The following CERS6 variants were observed in gnomAD, a reference collection of about 807,000 sequenced individuals.
The protein encoded by CERS6 is LAG1 homolog, ceramide synthase 6.
CERS6 carries 26 observed loss-of-function variants against 56.8 expected under a neutral mutation model. The ratio of observed to expected loss-of-function variants is 0.46; its 90% CI spans 0.34 to 0.63. CERS6 has a LOEUF of 0.63. Among genes scored for constraint, CERS6 ranks in the 30% least tolerant of loss-of-function variants. The pLI is 0.01. For synonymous variants in CERS6, 164 were observed against 173.3 expected, an observed-to-expected ratio of 0.95 and a Z score of 0.42; for missense variants, 415 against 467.5, an observed-to-expected ratio of 0.89 and a Z score of 1.04.
At chr2:168,710,893 G>A (rs982850111) in intron 6 of CERS6, among the ~76,000 whole-genome samples, 1 of 152,184 alleles carries the variant, frequency 6.6e-6, no homozygotes, top group Non-Finnish European at 1.5e-5. Flanking sequence ...GAATATAGTG[G>A]TAGGTTCTTA....
At chr2:168,611,357 C>T (rs1326740003) in intron 3 of CERS6, among the ~76,000 whole-genome samples, 6 of 152,160 alleles carry the variant, frequency 3.9e-5, no homozygotes, top group Non-Finnish European at 8.8e-5. Context: ...CCAAGTTTAA[C>T]CAGCTCCTCA....
intron 3 of CERS6, among the ~76,000 whole-genome samples, chr2:168,623,807 C>G (rs1464464561): frequency 1.3e-5 from 2 of 152,222 alleles, no homozygotes; most frequent in East Asian, 3.9e-4. Context: ...CATAGTTACC[C>G]ATTTCTAGTC....
At chr2:168,515,887 G>C (rs1694876037) in intron 1 of CERS6, among the ~76,000 whole-genome samples, 1 of 152,212 alleles carries the variant, frequency 6.6e-6, no homozygotes. Context: ...AGAAGCACCA[G>C]CTCATGGAGA....
chr2:168,657,580 C>A (rs529199087), intron 4 of CERS6, among the ~76,000 whole-genome samples: 169 of 152,352 alleles, frequency 1.1e-3, no homozygotes, highest in African/African-American at 3.7e-3. Context: ...CCGAGCCCTG[C>A]CCCGTGGGAA....
chr2:168,609,354 A>T (rs1684130201), intron 3 of CERS6, among the ~76,000 whole-genome samples: 1 of 152,210 alleles, frequency 6.6e-6, no homozygotes. Flanking sequence ...TGACAGTGGG[A>T]TGGATTACAT....
At chr2:168,665,882 T>A (rs1169330792) in intron 4 of CERS6, among the ~76,000 whole-genome samples, 1 of 152,110 alleles carries the variant, frequency 6.6e-6, no homozygotes, top group African/African-American at 2.4e-5. Context: ...GCTGCTCACA[T>A]TTTCTGTTGG....
chr2:168,772,494 A>G lies in CERS6; in HGVS notation c.*2832A>G, dbSNP rs1684889446. ...TCATCCCTACCCATATTCTTTTCAT[A>G]AAACCCACTCACCAGGTACAATAGA... On this transcript the variant is annotated 3_prime_UTR_variant, in exon 10 of 10. Coordinates refer to ENST00000305747, the MANE Select transcript of CERS6 (RefSeq NM_203463.3). 1 of 152,636 alleles carries G rather than the reference A, an allele frequency of 6.6e-6. No homozygotes were observed. Among genetic ancestry groups the G allele is most frequent in the Non-Finnish European group, 1.5e-5 (1 of 68,038 alleles). 9.5% of individuals were successfully genotyped at this position (152,636 alleles called of 1,614,324 possible). A position where few individuals can be genotyped will look rare whatever the true frequency, so the allele number is the denominator to read the frequency against.
intron 3 of CERS6, among the ~76,000 whole-genome samples, chr2:168,581,288 G>A (rs1331629990): frequency 6.6e-6 from 1 of 152,116 alleles, no homozygotes; most frequent in African/African-American, 2.4e-5. Flanking sequence ...CAAAGTGCTG[G>A]GATTACAGGC....
At chr2:168,577,254 A>T (rs1683297334) in intron 3 of CERS6, among the ~76,000 whole-genome samples, 1 of 152,176 alleles carries the variant, frequency 6.6e-6, no homozygotes, top group African/African-American at 2.4e-5. Context: ...TGAAGGAGAT[A>T]GGTGAGTGAG....
rs893276722 is a variant in CERS6, at chr2:168,773,417, A to G, written c.*3755A>G. 6.6e-6 allele frequency: 1 copy of G among 152,218 alleles called. No homozygotes were observed. The highest frequency in any genetic ancestry group is 1.5e-5 in the Non-Finnish European group (1 of 68,032). The allele number at this position is 152,218 out of a possible 1,614,324, so 9.4% of individuals were successfully genotyped here. A position where few individuals can be genotyped will look rare whatever the true frequency, so the allele number is the denominator to read the frequency against. On this transcript the variant is annotated 3_prime_UTR_variant, in exon 10 of 10. Coordinates refer to ENST00000305747, the MANE Select transcript of CERS6 (RefSeq NM_203463.3). ...CAGGTCTTCAGGTTCTGATTAGCTT[A>G]CTTTTTTCCTTTGTCTTTGGCTGAT...
rs1420231673 is a variant in CERS6, at chr2:168,648,775, T to C, written c.465+17733T>C. Among the ~76,000 whole-genome samples, 4 of 152,150 alleles carry C rather than the reference T, an allele frequency of 2.6e-5. No individual in the cohort carries two copies. The East Asian group carries it at 7.7e-4, about 29-fold the overall frequency. On this transcript the variant is annotated intron_variant, in intron 4 of 9. Coordinates refer to ENST00000305747, the MANE Select transcript of CERS6 (RefSeq NM_203463.3). The stretch of plus-strand genomic sequence containing the variant: ...TTCTTGATTTCTGCCTTAATTTCTT[T>C]ATTTCCATGTAATTGCATGATTTTG...
At chr2:168,518,310 G>A (rs1694919213) in intron 1 of CERS6, among the ~76,000 whole-genome samples, 1 of 152,124 alleles carries the variant, frequency 6.6e-6, no homozygotes, top group Non-Finnish European at 1.5e-5. Context: ...CTTAACAGTA[G>A]CATAGGCTCA....
chr2:168,736,266 T>G (rs1305821353), intron 8 of CERS6, among the ~76,000 whole-genome samples: 1 of 152,212 alleles, frequency 6.6e-6, no homozygotes, highest in Non-Finnish European at 1.5e-5. Context: ...TAGCACTGTG[T>G]CTATTTCATT....
intron 1 of CERS6, among the ~76,000 whole-genome samples, chr2:168,502,353 A>G (rs13007081): frequency 1.1e-3 from 161 of 152,288 alleles, no homozygotes; most frequent in Non-Finnish European, 1.9e-3. Context: ...TGGAAAGGAC[A>G]TCTTCAGATA....
intron 1 of CERS6, among the ~76,000 whole-genome samples, chr2:168,539,901 T>C (rs62175810): frequency 0.11 from 17,249 of 152,274 alleles, 1,315 homozygotes; most frequent in African/African-American, 0.22. Context: ...GTTTCATCTG[T>C]TATTAATTGG....
At chr2:168,647,584 T>C (rs950735577) in intron 4 of CERS6, among the ~76,000 whole-genome samples, 10 of 152,214 alleles carry the variant, frequency 6.6e-5, no homozygotes, top group Non-Finnish European at 1.5e-4. Flanking sequence ...ATCCTTGTCT[T>C]GTGCCAGTTT....
intron 8 of CERS6, among the ~76,000 whole-genome samples, chr2:168,750,162 G>T (rs923639005): frequency 6.6e-6 from 1 of 152,170 alleles, no homozygotes; most frequent in African/African-American, 2.4e-5. Flanking sequence ...TCTGGTATCT[G>T]AGCCCCACCT....
intron 8 of CERS6, among the ~76,000 whole-genome samples, chr2:168,737,813 A>G (rs74977008): frequency 0.015 from 2,305 of 152,354 alleles, 57 homozygotes; most frequent in African/African-American, 0.052. Context: ...CTTTTGAGCT[A>G]TGTATTGGGA....
chr2:168,521,256 A>G (rs535280397), intron 1 of CERS6, among the ~76,000 whole-genome samples: 31 of 152,348 alleles, frequency 2.0e-4, no homozygotes, highest in Admixed American at 7.2e-4. Flanking sequence ...TATGTTCTGT[A>G]AGTGAAACGT....
Sources: allele counts gnomAD v4.1 joint callset (sites outside exome capture counted in the v4.1 genomes callset), GRCh38; gene constraint gnomAD v4.1.1; transcripts MANE v1.5; gene names NCBI Gene and HGNC (gene_info 2026-07-23, HGNC 2026-07-21).